The following AGO2 variants were observed in gnomAD, a reference collection of about 807,000 sequenced individuals.
AGO2 encodes argonaute RISC catalytic component 2, also known as protein argonaute-2.
Under a neutral mutation model 102.3 loss-of-function variants are expected in AGO2, and 5 were observed. The observed-to-expected ratio is 0.05, with a 90% CI of 0.03 to 0.10. The LOEUF (loss-of-function observed/expected upper bound fraction) is 0.10, where lower values mean the gene tolerates loss of function less well. Among genes scored for constraint, AGO2 ranks in the 10% least tolerant of loss-of-function variants. AGO2 has a pLI of 1.00. For missense variants in AGO2, 541 were observed against 1,183.7 expected, an observed-to-expected ratio of 0.46 and a Z score of 7.97; for synonymous variants, 449 against 473.1, an observed-to-expected ratio of 0.95 and a Z score of 0.66.
chr8:140,622,224 G>T (rs550212263), intron 1 of AGO2, among the ~76,000 whole-genome samples: 21 of 152,208 alleles, frequency 1.4e-4, no homozygotes, highest in African/African-American at 4.8e-4. Flanking sequence ...GTTCCCAGGG[G>T]CTGGGTGGGA....
rs1282404768 is a variant in AGO2, at chr8:140,539,942, C to G, written c.2035-488G>C. Among the ~76,000 whole-genome samples the G allele has an allele frequency of 6.6e-6, 1 of 152,126 alleles. No homozygotes were observed. Among genetic ancestry groups the G allele is most frequent in the Non-Finnish European group, 1.5e-5 (1 of 68,022 alleles). On this transcript the variant is annotated intron_variant, in intron 15 of 18. Coordinates refer to ENST00000220592, the MANE Select transcript of AGO2 (RefSeq NM_012154.5). The surrounding 1 kb of genome is among the most constrained non-coding windows in gnomAD (Gnocchi z 4.7). ...TTTCTACTAAAAATACAAAAATTAA[C>G]TGGGCGTGGTGGTGGGCACCTGTCG...
At chr8:140,566,767 C>G (rs1412022404) in intron 3 of AGO2, among the ~76,000 whole-genome samples, 1 of 152,156 alleles carries the variant, frequency 6.6e-6, no homozygotes, top group Non-Finnish European at 1.5e-5. Context: ...TCTCTATGGG[C>G]CCAGGACCAG....
chr8:140,558,541 C>T lies in AGO2; in HGVS notation c.822G>A (p.Gln274=), dbSNP rs370042889. 1 of 1,614,136 alleles carries T rather than the reference C, an allele frequency of 6.2e-7. No homozygotes were observed. Among genetic ancestry groups the T allele is most frequent in the Non-Finnish European group, 8.5e-7 (1 of 1,180,054 alleles). ...TGCAGACGCGGTACTTCCTCTTCAT[C>T]TGCCCACAGTGCGTTATCTCCACCT... is the stretch of plus-strand genomic sequence containing the variant. ...GLKVEITHCG[Q]MKRKYRVCNV... is the part of the protein sequence containing the mutation. Residue 274 remains glutamine (Q), a synonymous_variant, in exon 7 of 19, where the codon CAG becomes CAA. Coordinates refer to ENST00000220592, the MANE Select transcript of AGO2 (RefSeq NM_012154.5).
At chr8:140,559,147 G>C (rs1329897425) in intron 6 of AGO2, among the ~76,000 whole-genome samples, 1 of 152,190 alleles carries the variant, frequency 6.6e-6, no homozygotes, top group African/African-American at 2.4e-5. Context: ...CTGAGATCAT[G>C]ACTCAGACGT....
rs924104705 is a variant in AGO2, at chr8:140,617,970, T to C, written c.22+17515A>G. On this transcript the variant is annotated intron_variant, in intron 1 of 18. Transcript: ENST00000220592. Reference sequence around the variant, plus strand: ...CTGCTGTGAGCCGTGATTGCACCACTGCACTCCAGCCTGGGCAACAGAGTG... The same window carrying C: ...CTGCTGTGAGCCGTGATTGCACCACCGCACTCCAGCCTGGGCAACAGAGTG... Among the ~76,000 whole-genome samples, 3 of 150,656 alleles carry C rather than the reference T, an allele frequency of 2.0e-5. No individual in the cohort carries two copies. In the East Asian group the frequency reaches 5.8e-4, roughly 29 times the overall value.
In AGO2 at chr8:140,589,034, A is replaced by G. The variant is rs1564103073; in HGVS notation, c.23-3723T>C. Among the ~76,000 whole-genome samples, 1 of 152,210 alleles carries G rather than the reference A, an allele frequency of 6.6e-6. No homozygotes were observed. Among genetic ancestry groups the G allele is most frequent in the African/African-American group, 2.4e-5 (1 of 41,460 alleles). On this transcript the variant is annotated intron_variant, in intron 1 of 18. Transcript: ENST00000220592. This position sits in a 1 kb window ranked among gnomAD's most constrained non-coding sequence, Gnocchi z 4.2. The stretch of plus-strand genomic sequence containing the variant: ...CAGGGAACAAAAAATTTCAGTATAC[A>G]CAGCGGACGTCAGCAGAGGTGGGCG...
In AGO2 at chr8:140,567,504, C is replaced by T. The variant is rs2073306698; in HGVS notation, c.337-4870G>A. Among the ~76,000 whole-genome samples the T allele has an allele frequency of 6.6e-6, 1 of 152,256 alleles. No homozygotes were observed. Among genetic ancestry groups the T allele is most frequent in the Non-Finnish European group, 1.5e-5 (1 of 68,044 alleles). Reference sequence around the variant, plus strand: ...TGTTCTAACCTCGGGCAGGTGGCTCCGTTGGCTTCCTGCACACAAGGGGAC... The same window carrying T: ...TGTTCTAACCTCGGGCAGGTGGCTCTGTTGGCTTCCTGCACACAAGGGGAC... On this transcript the variant is annotated intron_variant, in intron 3 of 18. Transcript: ENST00000220592. This position sits in a 1 kb window ranked among gnomAD's most constrained non-coding sequence, Gnocchi z 5.0.
At chr8:140,613,092 C>T (rs376438742) in intron 1 of AGO2, among the ~76,000 whole-genome samples, 6 of 150,878 alleles carry the variant, frequency 4.0e-5, no homozygotes, top group East Asian at 2.0e-4. Context: ...CCCAGCTACT[C>T]GGGAGGCTGA....
Position 140,595,893 on chromosome 8 carries a change from A to G in AGO2, c.23-10582T>C, listed in dbSNP as rs1257095141. 4.9e-4 allele frequency among the ~76,000 whole-genome samples: 59 copies of G among 120,822 alleles called. 12 individuals are homozygous for G. The highest frequency in any genetic ancestry group is 1.8e-3 in the African/African-American group (56 of 30,532). The allele number at this position is 120,822 out of a possible 152,430, so 79.3% of individuals were successfully genotyped here. A position where few individuals can be genotyped will look rare whatever the true frequency, so the allele number is the denominator to read the frequency against. ...TGTATATTATATAATATATAATTAT[A>G]TATATTATGTATTATATAATATATA... is the stretch of plus-strand genomic sequence containing the variant. On this transcript the variant is annotated intron_variant, in intron 1 of 18. Coordinates refer to ENST00000220592, the MANE Select transcript of AGO2 (RefSeq NM_012154.5).
At chr8:140,578,803 A>G (rs1032399601) in intron 2 of AGO2, among the ~76,000 whole-genome samples, 2 of 152,234 alleles carry the variant, frequency 1.3e-5, no homozygotes, top group African/African-American at 4.8e-5. Flanking sequence ...GGGCAGCGCC[A>G]AGCAGCACCC....
At chr8:140,550,732 T>A (rs1003061020) in intron 11 of AGO2, among the ~76,000 whole-genome samples, 4 of 152,194 alleles carry the variant, frequency 2.6e-5, no homozygotes, top group Non-Finnish European at 4.4e-5. Context: ...TTCTCCAGCC[T>A]CAGTGCCCTG....
chr8:140,549,329 C>T lies in AGO2; in HGVS notation c.1404-31G>A, dbSNP rs147541004. On this transcript the variant is annotated intron_variant, in intron 11 of 18. Coordinates refer to ENST00000220592, the MANE Select transcript of AGO2 (RefSeq NM_012154.5). The stretch of plus-strand genomic sequence containing the variant: ...GGAGAAGGCTCCGTTCACTACCGGG[C>T]ACTGGGAATGGCAGAGAACTCAGGC... 5.2e-6 allele frequency: 8 copies of T among 1,552,942 alleles called. No homozygotes were observed. The East Asian group carries it at 1.4e-4, about 27-fold the overall frequency.
At position 140,541,137 on chromosome 8, in the gene AGO2, G is replaced by A. The variant is rs1383032406; in HGVS notation, c.2034+27C>T. The A allele has an allele frequency of 3.3e-6, 5 of 1,524,480 alleles. No individual in the cohort carries two copies. The African/African-American group carries it at 5.5e-5, about 17-fold the overall frequency. The allele number at this position is 1,524,480 out of a possible 1,614,324, so 94.4% of individuals were successfully genotyped here. A position where few individuals can be genotyped will look rare whatever the true frequency, so the allele number is the denominator to read the frequency against. ...GGTGAATTACAGACCCCAGAGAAGG[G>A]GAGGGAAGGTTCCAAGAGGCGCCCA... On this transcript the variant is annotated intron_variant, in intron 15 of 18. Coordinates refer to ENST00000220592, the MANE Select transcript of AGO2 (RefSeq NM_012154.5).
At chr8:140,556,096 A>C (rs1192802418) in intron 9 of AGO2, 71 bp downstream of exon 9, 1 of 1,611,130 alleles carries the variant, frequency 6.2e-7, no homozygotes, top group African/African-American at 1.3e-5. Context: ...CGTTCCAAGC[A>C]TCAGAGGTTT....
rs2292781 is a variant in AGO2, at chr8:140,549,259, G to A, written c.1443C>T (p.Ala481=). Residue 481 remains alanine, a synonymous_variant, in exon 12 of 19, where the codon GCC becomes GCT. Transcript: ENST00000220592. ...ACGGCTGGCCCTGGATGGGCATGCC[G>A]GCGTCTCTCGAGATCTTTCTGAGCT... The part of the protein sequence containing the change: ...TEQLRKISRD[A]GMPIQGQPCF... 0.39 allele frequency: 633,267 copies of A among 1,611,508 alleles called. 126,762 individuals carry two copies. Among genetic ancestry groups the A allele is most frequent in the East Asian group, 0.56 (24,965 of 44,802 alleles).
In AGO2 at chr8:140,531,043, G is replaced by A. The variant is rs1375600167; in HGVS notation, c.*1001C>T. On this transcript the variant is annotated 3_prime_UTR_variant, in exon 19 of 19. Coordinates refer to ENST00000220592, the MANE Select transcript of AGO2 (RefSeq NM_012154.5). The stretch of plus-strand genomic sequence containing the variant: ...GTCAATTGCATATTCCTGTCCTTAA[G>A]CACTAAGAACTGAGAGGCGGTCCCA... 1 of 152,258 alleles carries A rather than the reference G, an allele frequency of 6.6e-6. No individual in the cohort carries two copies. The highest frequency in any genetic ancestry group is 1.5e-5 in the Non-Finnish European group (1 of 68,070). 9.4% of individuals were successfully genotyped at this position (152,258 alleles called of 1,614,324 possible).
intron 12 of AGO2, among the ~76,000 whole-genome samples, chr8:140,548,415 TG>T (rs1280165544): frequency 6.6e-6 from 1 of 151,304 alleles, no homozygotes; most frequent in African/African-American, 2.4e-5. Context: ...ATAAAAACAC[TG>T]GCACCCTCCA....
At chr8:140,608,645 C>T (rs1110280) in intron 1 of AGO2, among the ~76,000 whole-genome samples, 111,205 of 152,142 alleles carry the variant, frequency 0.73, 41,651 homozygotes, top group Non-Finnish European at 0.81. Context: ...CGGGCACCAG[C>T]CAGGACAATC....
At chr8:140,582,999 G>A (rs1447680883) in intron 2 of AGO2, among the ~76,000 whole-genome samples, 10 of 152,230 alleles carry the variant, frequency 6.6e-5, no homozygotes, top group South Asian at 6.2e-4. Flanking sequence ...AGGAGACTGC[G>A]TGTTAGTCAG....
Sources: allele counts gnomAD v4.1 joint callset (sites outside exome capture counted in the v4.1 genomes callset), GRCh38; gene constraint gnomAD v4.1.1; non-coding constraint Gnocchi (gnomAD v3.1); transcripts MANE v1.5; gene names NCBI Gene and HGNC (gene_info 2026-07-23, HGNC 2026-07-21).